Variants in KCNQ1 observed in about 807,000 individuals in gnomAD.
KCNQ1 encodes the protein potassium voltage-gated channel subfamily Q member 1, also known as potassium voltage-gated channel subfamily KQT member 1.
Under a neutral mutation model 72.4 loss-of-function variants are expected in KCNQ1, and 49 were observed. That is an observed-to-expected ratio of 0.68 (90% CI 0.54 to 0.86). KCNQ1 has a LOEUF of 0.86. Ranked by LOEUF, KCNQ1 falls within the 40% of genes least tolerant of loss-of-function variation. KCNQ1 has a pLI of 0.00. For synonymous variants in KCNQ1, 450 were observed against 412.6 expected, an observed-to-expected ratio of 1.09 and a Z score of -1.10; for missense variants, 790 against 945.1, an observed-to-expected ratio of 0.84 and a Z score of 2.15.
At position 2,785,608 on chromosome 11, in the gene KCNQ1, TAC is replaced by T. The variant is rs1175414670; in HGVS notation, c.1794+7573_1794+7574del. Among the ~76,000 whole-genome samples the T allele has an allele frequency of 0.016, 3 of 184 alleles. No homozygotes were observed. The highest frequency in any genetic ancestry group is 0.5 in the South Asian group (2 of 4). The allele number at this position is 184 out of a possible 152,430, so 0.1% of individuals were successfully genotyped here. A position where few individuals can be genotyped will look rare whatever the true frequency, so the allele number is the denominator to read the frequency against. On this transcript the variant is annotated intron_variant, in intron 15 of 15. Transcript: ENST00000155840. This position sits in a 1 kb window ranked among gnomAD's most constrained non-coding sequence, Gnocchi z 4.4. Reference sequence around the variant, plus strand: ...ACTGAGTTTTTAAAAAATCATTTAATACATTTATATTTAATACATTTATATTT... The same window carrying T: ...ACTGAGTTTTTAAAAAATCATTTAATATTTATATTTAATACATTTATATTT...
At chr11:2,699,784 C>A in intron 11 of KCNQ1, 1 of 397,470 alleles carries the variant, frequency 2.5e-6, no homozygotes, top group Non-Finnish European at 4.4e-6. Context: ...CCGAGGAGAA[C>A]CGCGCCGAGG....
rs374587673 is a variant in KCNQ1 at position 2,711,678 on chromosome 11, C to T, written c.1514+49597C>T. ...CTATTTCCCAGTCAGACCTCACAATCGGTAAACTGTGCTTAAACTAAGTGA... is the reference window on the plus strand; with the variant it reads ...CTATTTCCCAGTCAGACCTCACAATTGGTAAACTGTGCTTAAACTAAGTGA... On this transcript the variant is annotated intron_variant, in intron 11 of 15. Coordinates refer to ENST00000155840, the MANE Select transcript of KCNQ1 (RefSeq NM_000218.3). This position sits in a 1 kb window ranked among gnomAD's most constrained non-coding sequence, Gnocchi z 5.4. 1.9e-4 allele frequency among the ~76,000 whole-genome samples: 29 copies of T among 152,326 alleles called. No individual in the cohort carries two copies. The East Asian group carries it at 2.5e-3, about 13-fold the overall frequency.
intron 1 of KCNQ1, among the ~76,000 whole-genome samples, chr11:2,517,583 G>A (rs554137658): frequency 1.3e-5 from 2 of 152,306 alleles, no homozygotes; most frequent in South Asian, 2.1e-4. Context: ...GGCATGTGGC[G>A]TGGCAACCAG....
rs1848464019 is a variant in KCNQ1, at chr11:2,579,284, C to A, written c.922-4151C>A. ...GGGGACTAGAAGGCTCCCCATGCCT[C>A]CCGCCCCTTCACATGGGAGTGAAGG... is the stretch of plus-strand genomic sequence containing the variant. On this transcript the variant is annotated intron_variant, in intron 6 of 15. Transcript: ENST00000155840. The surrounding 1 kb of genome is among the most constrained non-coding windows in gnomAD (Gnocchi z 6.0). 6.6e-6 allele frequency among the ~76,000 whole-genome samples: 1 copy of A among 152,340 alleles called. No individual in the cohort carries two copies. Among genetic ancestry groups the A allele is most frequent in the African/African-American group, 2.4e-5 (1 of 41,582 alleles).
At position 2,572,009 on chromosome 11, in the gene KCNQ1, G is replaced by A. The variant is rs750965939; in HGVS notation, c.684-4G>A. The A allele has an allele frequency of 2.6e-5, 42 of 1,611,382 alleles. No homozygotes were observed. The highest frequency in any genetic ancestry group is 3.4e-5 in the Non-Finnish European group (40 of 1,179,258). On this transcript the variant is annotated splice_region_variant and splice_polypyrimidine_tract_variant and intron_variant, in intron 4 of 15. Transcript: ENST00000155840. ...CCCTCAGCCCCACACCATCTCCTTC[G>A]CAGGGGCATCCGCTTCCTGCAGATC...
intron 1 of KCNQ1, among the ~76,000 whole-genome samples, chr11:2,480,338 G>A (rs1243943971): frequency 6.6e-6 from 1 of 152,194 alleles, no homozygotes; most frequent in Non-Finnish European, 1.5e-5. Flanking sequence ...AAAGGGAAGA[G>A]GTTTAATTGA....
intron 11 of KCNQ1, chr11:2,694,512 A>G (rs1347186143): frequency 2.5e-6 from 1 of 398,448 alleles, no homozygotes; most frequent in African/African-American, 2.1e-5. Flanking sequence ...TGGCTAAGAA[A>G]CCCTGGTTGC....
intron 11 of KCNQ1, among the ~76,000 whole-genome samples, chr11:2,706,631 C>G (rs1474982905): frequency 4.6e-5 from 7 of 152,238 alleles, no homozygotes; most frequent in South Asian, 4.1e-4. Context: ...TTAGTCTGAC[C>G]CTTGTCAGGG....
At chr11:2,792,142 C>T (rs1383489781) in intron 15 of KCNQ1, among the ~76,000 whole-genome samples, 4 of 152,176 alleles carry the variant, frequency 2.6e-5, no homozygotes, top group South Asian at 2.1e-4. Flanking sequence ...CCTGCAGGCC[C>T]GGCGTCCCCT....
At position 2,566,074 on chromosome 11, in the gene KCNQ1, C is replaced by T. The variant is rs1157791611; in HGVS notation, c.478-4554C>T. ...AGGCCCAGGCCTGTCTTCCCCACCTCACCCCACAGGGCTGAGACACCTCCC... is the reference window on the plus strand; with the variant it reads ...AGGCCCAGGCCTGTCTTCCCCACCTTACCCCACAGGGCTGAGACACCTCCC... On this transcript the variant is annotated intron_variant, in intron 2 of 15. Transcript: ENST00000155840. The surrounding 1 kb of genome is among the most constrained non-coding windows in gnomAD (Gnocchi z 6.7). Among the ~76,000 whole-genome samples, 1 of 152,162 alleles carries T rather than the reference C, an allele frequency of 6.6e-6. No individual in the cohort carries two copies. The highest frequency in any genetic ancestry group is 2.4e-5 in the African/African-American group (1 of 41,442).
chr11:2,521,263 C>T (rs1564805089), intron 1 of KCNQ1, among the ~76,000 whole-genome samples: 1 of 151,760 alleles, frequency 6.6e-6, no homozygotes, highest in South Asian at 2.1e-4. Context: ...ACCGTGGATC[C>T]GTCCTCCCCA....
intron 11 of KCNQ1, among the ~76,000 whole-genome samples, chr11:2,761,578 C>T (rs1846396676): frequency 6.6e-6 from 1 of 152,248 alleles, no homozygotes; most frequent in African/African-American, 2.4e-5. Flanking sequence ...CCAGCACTTC[C>T]CTGCCCCTCT....
Position 2,654,076 on chromosome 11 carries a change from A to T in KCNQ1, c.1394-7885A>T. ...TGTGGGAATGGCTTTTACACTTTCC[A>T]TCCATGTCCCTTACTTCTCGCCTCT... On this transcript the variant is annotated intron_variant, in intron 10 of 15. Coordinates refer to ENST00000155840, the MANE Select transcript of KCNQ1 (RefSeq NM_000218.3). The surrounding 1 kb of genome is among the most constrained non-coding windows in gnomAD (Gnocchi z 6.4). 1 of 398,692 alleles carries T rather than the reference A, an allele frequency of 2.5e-6. No homozygotes were observed. Among genetic ancestry groups the T allele is most frequent in the Non-Finnish European group, 4.4e-6 (1 of 226,128 alleles). 24.7% of individuals were successfully genotyped at this position (398,692 alleles called of 1,614,324 possible).
At position 2,450,253 on chromosome 11, in the gene KCNQ1, G is replaced by A. The variant is rs1475942876; in HGVS notation, c.386+4769G>A. On this transcript the variant is annotated intron_variant, in intron 1 of 15. Coordinates refer to ENST00000155840, the MANE Select transcript of KCNQ1 (RefSeq NM_000218.3). The surrounding 1 kb of genome is among the most constrained non-coding windows in gnomAD (Gnocchi z 7.9). ...GTGGGAGGAGACAGCTCCCAAGGGC[G>A]GTGATGCCAGGAGAACATTCCAGGC... Among the ~76,000 whole-genome samples the A allele has an allele frequency of 6.6e-6, 1 of 152,248 alleles. No homozygotes were observed. Among genetic ancestry groups the A allele is most frequent in the African/African-American group, 2.4e-5 (1 of 41,470 alleles).
At chr11:2,758,134 G>A (rs1846333747) in intron 11 of KCNQ1, among the ~76,000 whole-genome samples, 1 of 152,130 alleles carries the variant, frequency 6.6e-6, no homozygotes. Context: ...GCAAACTATA[G>A]ACTTGGAGAA....
At position 2,626,274 on chromosome 11, in the gene KCNQ1, G is replaced by T. The variant is rs1052232551; in HGVS notation, c.1394-35687G>T. 3 of 398,276 alleles carry T rather than the reference G, an allele frequency of 7.5e-6. No individual in the cohort carries two copies. The highest frequency in any genetic ancestry group is 1.3e-5 in the Non-Finnish European group (3 of 226,038). 24.7% of individuals were successfully genotyped at this position (398,276 alleles called of 1,614,324 possible). A position where few individuals can be genotyped will look rare whatever the true frequency, so the allele number is the denominator to read the frequency against. ...CTTCATTCTCTTTTATACATGGTTA[G>T]GTAAGGATCTCAACTTCATTCTCTT... On this transcript the variant is annotated intron_variant, in intron 10 of 15. Coordinates refer to ENST00000155840, the MANE Select transcript of KCNQ1 (RefSeq NM_000218.3). The surrounding 1 kb of genome is among the most constrained non-coding windows in gnomAD (Gnocchi z 4.0).
chr11:2,667,196 G>GT lies in KCNQ1; in HGVS notation c.1514+5115_1514+5116insT, dbSNP rs771307280. ...GCCTGCCATCAGCCCAGCTGTGGCG[G>GT]CCCCCCGTGGCCCCCTAACCTTTCC... On this transcript the variant is annotated intron_variant, in intron 11 of 15. Transcript: ENST00000155840. 303 of 398,576 alleles carry GT rather than the reference G, an allele frequency of 7.6e-4. No individual in the cohort carries two copies. The highest frequency in any genetic ancestry group is 1.2e-3 in the Non-Finnish European group (268 of 226,134). 24.7% of individuals were successfully genotyped at this position (398,576 alleles called of 1,614,324 possible). A position where few individuals can be genotyped will look rare whatever the true frequency, so the allele number is the denominator to read the frequency against.
chr11:2,631,908 C>A, intron 10 of KCNQ1: 1 of 397,568 alleles, frequency 2.5e-6, no homozygotes. Context: ...GAAAGCTGGG[C>A]GCAGTGGCTC....
rs1291613265 is a variant in KCNQ1, at chr11:2,477,266, C to G, written c.386+31782C>G. On this transcript the variant is annotated intron_variant, in intron 1 of 15. Coordinates refer to ENST00000155840, the MANE Select transcript of KCNQ1 (RefSeq NM_000218.3). This position sits in a 1 kb window ranked among gnomAD's most constrained non-coding sequence, Gnocchi z 5.0. ...AGATACCGTATGGGCATTCACTGGACAGTGTTTTCATCCCGTATGTTTGAA... is the reference window on the plus strand; with the variant it reads ...AGATACCGTATGGGCATTCACTGGAGAGTGTTTTCATCCCGTATGTTTGAA... Among the ~76,000 whole-genome samples, 1 of 152,182 alleles carries G rather than the reference C, an allele frequency of 6.6e-6. No individual in the cohort carries two copies. The highest frequency in any genetic ancestry group is 1.9e-4 in the East Asian group (1 of 5,198).
Sources: allele counts gnomAD v4.1 joint callset (sites outside exome capture counted in the v4.1 genomes callset), GRCh38; gene constraint gnomAD v4.1.1; non-coding constraint Gnocchi (gnomAD v3.1); transcripts MANE v1.5; gene names NCBI Gene and HGNC (gene_info 2026-07-23, HGNC 2026-07-21).